STYX: variants seen among roughly 807,000 people sequenced by gnomAD.
The protein encoded by STYX is serine/threonine/tyrosine-interacting protein.
A neutral mutation model predicts 42.7 loss-of-function variants in STYX; 20 were observed. That is an observed-to-expected ratio of 0.47 (90% CI 0.33 to 0.68). STYX has a LOEUF of 0.68. STYX is among the 30% of genes least tolerant of loss of function. The pLI, the probability that STYX is intolerant of heterozygous loss-of-function variation, is 0.02. For missense variants in STYX, 226 were observed against 268.5 expected (o/e 0.84, Z 1.11); for synonymous variants, 78 against 81.9 (o/e 0.95, Z 0.26).
At chr14:52,757,388 T>C (rs762961398) in intron 6 of STYX, 33 bp downstream of exon 6, 7 of 1,548,704 alleles carry the variant, frequency 4.5e-6, no homozygotes, top group African/African-American at 1.4e-5. Context: ...AACTAATGTT[T>C]ATATTTTGAT....
intron 1 of STYX, among the ~76,000 whole-genome samples, chr14:52,733,248 A>G (rs1196968864): frequency 2.0e-5 from 3 of 152,204 alleles, no homozygotes; most frequent in South Asian, 4.1e-4. Flanking sequence ...GTTACTGTGT[A>G]TATCATTATG....
At chr14:52,748,025 T>C (rs2139899270) in intron 3 of STYX, among the ~76,000 whole-genome samples, 1 of 152,276 alleles carries the variant, frequency 6.6e-6, no homozygotes, top group South Asian at 2.1e-4. Flanking sequence ...AAAAAAGGTC[T>C]AGTTCTTCAA....
chr14:52,757,654 T>C (rs927836958), intron 6 of STYX, 89 bp from the exon 7 acceptor site: 19 of 1,148,610 alleles, frequency 1.7e-5, no homozygotes, highest in Middle Eastern at 2.1e-4. Context: ...GATTATAGTA[T>C]ATAAGGAGTT....
At position 52,756,597 on chromosome 14, in the gene STYX, C is replaced by T. The variant is rs1422791149; in HGVS notation, c.289C>T (p.Arg97Cys). The T allele has an allele frequency of 7.4e-6, 11 of 1,486,586 alleles. No homozygotes were observed. The highest frequency in any genetic ancestry group is 2.9e-5 in the African/African-American group (2 of 69,098). The allele number at this position is 1,486,586 out of a possible 1,614,324, so 92.1% of individuals were successfully genotyped here. A position where few individuals can be genotyped will look rare whatever the true frequency, so the allele number is the denominator to read the frequency against. ...IADNPVENIIRFFPMTKEFID... is the reference protein window; with the variant it reads ...IADNPVENIICFFPMTKEFID... ...AGATAATCCAGTTGAAAATATAATA[C>T]GTTTTTTCCCTATGGTAGGTACCAG... The change falls in exon 5 of 11, where the codon CGT (arginine) becomes TGT (cysteine). Residue 97 changes from arginine to cysteine, a missense_variant. Arg to Cys is a radical substitution (Grantham distance 180). Coordinates refer to ENST00000354586, the MANE Select transcript of STYX (RefSeq NM_145251.4).
intron 1 of STYX, among the ~76,000 whole-genome samples, chr14:52,732,987 A>G (rs1483294214): frequency 6.6e-6 from 1 of 152,186 alleles, no homozygotes; most frequent in African/African-American, 2.4e-5. Flanking sequence ...TCATATCCTC[A>G]AAATGATTCA....
intron 3 of STYX, among the ~76,000 whole-genome samples, chr14:52,748,915 C>G (rs1881497783): frequency 1.3e-5 from 2 of 152,220 alleles, no homozygotes; most frequent in African/African-American, 4.8e-5. Flanking sequence ...TTCCCTAACT[C>G]AAGTTATACT....
intron 10 of STYX, among the ~76,000 whole-genome samples, chr14:52,770,711 T>C (rs931018118): frequency 5.9e-5 from 9 of 152,060 alleles, no homozygotes; most frequent in African/African-American, 1.9e-4. Context: ...TTATGGTGCC[T>C]AAAAAACAAT....
chr14:52,746,548 T>C (rs1881404544), intron 3 of STYX, 69 bp downstream of exon 3: 3 of 1,347,410 alleles, frequency 2.2e-6, no homozygotes, highest in African/African-American at 1.5e-5. Context: ...AGTTTTTTAG[T>C]AATAAAGAGT....
chr14:52,739,025 A>G (rs1881077265), intron 1 of STYX, among the ~76,000 whole-genome samples: 1 of 151,728 alleles, frequency 6.6e-6, no homozygotes, highest in Admixed American at 6.6e-5. Context: ...CCATGCACAT[A>G]ATGAATCTGT....
chr14:52,748,226 G>A (rs555908486), intron 3 of STYX, among the ~76,000 whole-genome samples: 2 of 152,186 alleles, frequency 1.3e-5, no homozygotes, highest in East Asian at 3.9e-4. Flanking sequence ...CTCATTTACT[G>A]TTATTATTTT....
chr14:52,753,466 G>A (rs1165422932), intron 4 of STYX, among the ~76,000 whole-genome samples: 2 of 152,122 alleles, frequency 1.3e-5, no homozygotes, highest in African/African-American at 4.8e-5. Context: ...ATTTACAGGC[G>A]TAAGCCACTA....
At chr14:52,750,072 C>T (rs1463539897) in intron 3 of STYX, among the ~76,000 whole-genome samples, 2 of 152,140 alleles carry the variant, frequency 1.3e-5, no homozygotes, top group Non-Finnish European at 2.9e-5. Context: ...TTGGGACCAG[C>T]ATTTTAGATA....
chr14:52,760,600 T>G (rs1047052262), intron 9 of STYX, among the ~76,000 whole-genome samples: 4 of 152,218 alleles, frequency 2.6e-5, no homozygotes, highest in Non-Finnish European at 4.4e-5. Context: ...TCAAGAATAT[T>G]TATTACAAAA....
In STYX at chr14:52,771,679, T is replaced by G. The variant is rs1882518122; in HGVS notation, c.*573T>G. On this transcript the variant is annotated 3_prime_UTR_variant, in exon 11 of 11. Coordinates refer to ENST00000354586, the MANE Select transcript of STYX (RefSeq NM_145251.4). ...ACTTAATAGCTTAATTACCATTTTA[T>G]TTTTTATACTTCTTCCATTATTAAT... 1.3e-5 allele frequency: 2 copies of G among 152,496 alleles called. No individual in the cohort carries two copies. The highest frequency in any genetic ancestry group is 2.9e-5 in the Non-Finnish European group (2 of 67,954). 9.4% of individuals were successfully genotyped at this position (152,496 alleles called of 1,614,324 possible).
At chr14:52,760,398 A>G (rs1194099216) in intron 9 of STYX, among the ~76,000 whole-genome samples, 1 of 152,050 alleles carries the variant, frequency 6.6e-6, no homozygotes, top group African/African-American at 2.4e-5. Flanking sequence ...TTTCTATTCT[A>G]TGTTTATCTT....
Position 52,730,386 on chromosome 14 carries a change from CTCCT to C in STYX, c.-81_-78del. The C allele has an allele frequency of 8.4e-6, 12 of 1,429,086 alleles. No homozygotes were observed. Among genetic ancestry groups the C allele is most frequent in the Non-Finnish European group, 1.1e-5 (11 of 1,029,408 alleles). The allele number at this position is 1,429,086 out of a possible 1,614,324, so 88.5% of individuals were successfully genotyped here. A position where few individuals can be genotyped will look rare whatever the true frequency, so the allele number is the denominator to read the frequency against. ...CTGTCAGCCCTCCGCTCCGCCGGCC[CTCCT>C]TCCTTCCGCCGCCGCAGCCAGCCCG... On this transcript the variant is annotated 5_prime_UTR_variant, in exon 1 of 11. Coordinates refer to ENST00000354586, the MANE Select transcript of STYX (RefSeq NM_145251.4).
chr14:52,768,241 A>G (rs1882385246), intron 9 of STYX, among the ~76,000 whole-genome samples: 1 of 152,152 alleles, frequency 6.6e-6, no homozygotes, highest in Non-Finnish European at 1.5e-5. Flanking sequence ...ATGTAAATAA[A>G]CATCCATGTA....
intron 4 of STYX, among the ~76,000 whole-genome samples, chr14:52,754,156 G>A (rs920327286): frequency 2.6e-5 from 4 of 151,850 alleles, no homozygotes; most frequent in African/African-American, 9.7e-5. Flanking sequence ...CCACAGTGCT[G>A]GGATTACAGG....
chr14:52,744,274 T>C (rs551528338), intron 1 of STYX, among the ~76,000 whole-genome samples: 14 of 152,346 alleles, frequency 9.2e-5, no homozygotes, highest in African/African-American at 2.6e-4. Context: ...GTCTCTTATG[T>C]TTTGTGATAT....
Sources: gnomAD v4.1 joint callset for allele counts (sites outside exome capture counted in the v4.1 genomes callset) on GRCh38, gnomAD v4.1.1 for gene constraint, MANE v1.5 for transcripts, NCBI Gene and HGNC (gene_info 2026-07-23, HGNC 2026-07-21) for gene names.